The following PKHD1L1 variants were observed in gnomAD, a reference collection of about 807,000 sequenced individuals.
PKHD1L1 encodes the protein PKHD1 like 1.
Under a neutral mutation model 462.9 loss-of-function variants are expected in PKHD1L1, and 434 were observed. The ratio of observed to expected loss-of-function variants is 0.94; its 90% CI spans 0.87 to 1.02. PKHD1L1 has a LOEUF of 1.02. Among genes scored for constraint, PKHD1L1 ranks in the 50% least tolerant of loss-of-function variants. PKHD1L1 has a pLI of 0.00. For missense variants in PKHD1L1, 5,202 were observed against 5,096.1 expected, an observed-to-expected ratio of 1.02 and a Z score of -0.63; for synonymous variants, 1,781 against 1,750.0, an observed-to-expected ratio of 1.02 and a Z score of -0.44.
chr8:109,526,424 A>T (rs189197291), intron 76 of PKHD1L1, among the ~76,000 whole-genome samples: 22 of 152,172 alleles, frequency 1.4e-4, no homozygotes, highest in Admixed American at 1.4e-3. Flanking sequence ...TAGGTCAAGT[A>T]CGAAGGGATG....
rs901735393 is a variant in PKHD1L1, at chr8:109,463,312, C to A, written c.7384-904C>A. Among the ~76,000 whole-genome samples, 10 of 151,992 alleles carry A rather than the reference C, an allele frequency of 6.6e-5. No homozygotes were observed. In the East Asian group the frequency reaches 1.9e-3, roughly 29 times the overall value. The stretch of plus-strand genomic sequence containing the variant: ...GGAGGGAGGAAGGGATAATAAAATC[C>A]ATAAATCCATTAAACCAGGCACACC... On this transcript the variant is annotated intron_variant, in intron 48 of 77. Transcript: ENST00000378402.
At chr8:109,378,776 G>A (rs986218426) in intron 2 of PKHD1L1, among the ~76,000 whole-genome samples, 2 of 152,314 alleles carry the variant, frequency 1.3e-5, no homozygotes, top group East Asian at 3.9e-4. Flanking sequence ...CTTCTGGGCA[G>A]TCGAAGAGGA....
chr8:109,428,022 TCAA>T (rs1814863236), intron 25 of PKHD1L1, among the ~76,000 whole-genome samples: 1 of 13,320 alleles, frequency 7.5e-5, no homozygotes, highest in Non-Finnish European at 1.4e-4. Context: ...AAACTCCGTC[TCAA>T]AAAAAAAAAA....
intron 50 of PKHD1L1, among the ~76,000 whole-genome samples, chr8:109,474,070 T>G (rs951436472): frequency 2.0e-5 from 3 of 152,192 alleles, no homozygotes; most frequent in Non-Finnish European, 4.4e-5. Context: ...TTTCATACTT[T>G]ACGGGATTTT....
At chr8:109,376,217 A>C (rs1044590176) in intron 2 of PKHD1L1, among the ~76,000 whole-genome samples, 7 of 152,124 alleles carry the variant, frequency 4.6e-5, no homozygotes, top group Non-Finnish European at 1.0e-4. Flanking sequence ...CCCCTCCCCC[A>C]GCCTCGCTGC....
In PKHD1L1 at chr8:109,458,975, T is replaced by C. The variant is rs182358055; in HGVS notation, c.7005-620T>C. Among the ~76,000 whole-genome samples the C allele has an allele frequency of 2.7e-4, 41 of 152,270 alleles. No homozygotes were observed. In the East Asian group the frequency reaches 5.8e-3, roughly 21 times the overall value. The stretch of plus-strand genomic sequence containing the variant: ...TAGAACTGGCAAATCCCTTCTGCTG[T>C]GGCTGGAATTTGGGGTATATTTGGA... On this transcript the variant is annotated intron_variant, in intron 46 of 77. Coordinates refer to ENST00000378402, the MANE Select transcript of PKHD1L1 (RefSeq NM_177531.6).
chr8:109,448,286 G>T lies in PKHD1L1; in HGVS notation c.5920G>T (p.Gly1974Trp), dbSNP rs1004505519. The T allele has an allele frequency of 1.2e-5, 20 of 1,613,296 alleles. No homozygotes were observed. The highest frequency in any genetic ancestry group is 1.5e-5 in the Non-Finnish European group (18 of 1,179,668). Residue 1974 changes from glycine (G) to tryptophan (W), a missense_variant, in exon 39 of 78, where the codon GGG (glycine) becomes TGG (tryptophan). Physicochemically the swap from Gly to Trp is radical, Grantham distance 184 (BLOSUM62 -2). Transcript: ENST00000378402. ...VVQCIVGDHA[G>W]GTFPVMMHHK... ...GCAGTGCATCGTGGGAGATCATGCTGGGGGCACATTTCCTGTTATGATGCA... is the reference window on the plus strand; with the variant it reads ...GCAGTGCATCGTGGGAGATCATGCTTGGGGCACATTTCCTGTTATGATGCA...
intron 48 of PKHD1L1, among the ~76,000 whole-genome samples, chr8:109,463,166 A>G (rs1451323779): frequency 6.6e-6 from 1 of 152,198 alleles, no homozygotes; most frequent in Non-Finnish European, 1.5e-5. Context: ...AATTAAACAA[A>G]TACATAAATA....
At position 109,472,629 on chromosome 8, in the gene PKHD1L1, G is replaced by A. The variant is rs568460480; in HGVS notation, c.8606-2489G>A. On this transcript the variant is annotated intron_variant, in intron 50 of 77. Coordinates refer to ENST00000378402, the MANE Select transcript of PKHD1L1 (RefSeq NM_177531.6). ...TGCAAATAGTAACTACTCAGCAAGT[G>A]TTGAATTAAATGGAATTAGTTGCAA... Among the ~76,000 whole-genome samples the A allele has an allele frequency of 5.9e-5, 9 of 152,018 alleles. No individual in the cohort carries two copies. The East Asian group carries it at 1.7e-3, about 29-fold the overall frequency.
Position 109,362,492 on chromosome 8 carries a change from C to A in PKHD1L1, c.-89C>A, listed in dbSNP as rs1246611058. The A allele has an allele frequency of 1.5e-6, 2 of 1,323,054 alleles. No individual in the cohort carries two copies. Among genetic ancestry groups the A allele is most frequent in the Non-Finnish European group, 2.1e-6 (2 of 943,442 alleles). The allele number at this position is 1,323,054 out of a possible 1,614,324, so 82.0% of individuals were successfully genotyped here. On this transcript the variant is annotated 5_prime_UTR_variant, in exon 1 of 78. Coordinates refer to ENST00000378402, the MANE Select transcript of PKHD1L1 (RefSeq NM_177531.6). ...CAGCTCTCCCGGGACGAAGCGGGCC[C>A]GCCAGCGAGTCGCAGTCCCAGGAGC... is the stretch of plus-strand genomic sequence containing the variant.
rs1190624750 is a variant in PKHD1L1 at position 109,459,759 on chromosome 8, G to T, written c.7169G>T (p.Arg2390Ile). ...AGAGCAGAAGTTGGAATTCTTACAA[G>T]AAATATTTTAATAAGAGGATCTGAT... ...EARAEVGILT[R>I]NILIRGSDNV... The change falls in exon 47 of 78, where the codon AGA becomes ATA. Residue 2390 changes from arginine to isoleucine, a missense_variant. Around this residue, in one of 3 missense-constraint regions of PKHD1L1, gnomAD observed 4,497 missense variants for 4,336.8 expected, o/e 1.04. Coordinates refer to ENST00000378402, the MANE Select transcript of PKHD1L1 (RefSeq NM_177531.6). The T allele has an allele frequency of 6.2e-7, 1 of 1,611,470 alleles. No individual in the cohort carries two copies. The highest frequency in any genetic ancestry group is 1.1e-5 in the South Asian group (1 of 90,730).
chr8:109,502,118 A>G (rs1819449264), intron 67 of PKHD1L1, among the ~76,000 whole-genome samples: 1 of 152,156 alleles, frequency 6.6e-6, no homozygotes, highest in African/African-American at 2.4e-5. Context: ...AGTTGGGCTG[A>G]AATGCATTGG....
At chr8:109,496,401 G>C (rs961607465) in intron 63 of PKHD1L1, among the ~76,000 whole-genome samples, 1 of 152,174 alleles carries the variant, frequency 6.6e-6, no homozygotes, top group African/African-American at 2.4e-5. Flanking sequence ...GCAATGGAAA[G>C]ATGTTCAGGG....
At chr8:109,473,044 T>C (rs1436966942) in intron 50 of PKHD1L1, among the ~76,000 whole-genome samples, 2 of 152,154 alleles carry the variant, frequency 1.3e-5, no homozygotes, top group African/African-American at 4.8e-5. Flanking sequence ...TTTTAGAAAA[T>C]ATCAACTTCA....
chr8:109,385,005 CAT>C (rs1158862977), intron 5 of PKHD1L1, among the ~76,000 whole-genome samples: 1 of 151,740 alleles, frequency 6.6e-6, no homozygotes, highest in Non-Finnish European at 1.5e-5. Flanking sequence ...ACTTTTAAAA[CAT>C]GTTAATGATT....
intron 34 of PKHD1L1, among the ~76,000 whole-genome samples, 152 bp from the exon 35 acceptor site, chr8:109,441,855 T>A (rs888811651): frequency 2.0e-5 from 3 of 152,160 alleles, no homozygotes; most frequent in Admixed American, 2.0e-4. Context: ...TCTATTTGTT[T>A]TTGTTAAGTG....
chr8:109,428,443 A>C (rs771354782), intron 25 of PKHD1L1, among the ~76,000 whole-genome samples: 3 of 152,216 alleles, frequency 2.0e-5, no homozygotes, highest in Non-Finnish European at 4.4e-5. Context: ...CATTTGGGGA[A>C]GGAGAGGAAG....
chr8:109,536,814 G>A lies in PKHD1L1; in HGVS notation c.*6724G>A, dbSNP rs1586679981. Among the ~76,000 whole-genome samples the A allele has an allele frequency of 2.6e-5, 4 of 152,198 alleles. No homozygotes were observed. The Middle Eastern group carries it at 0.014, about 518-fold the overall frequency. ...TACTGCTAATTGTAATAACAATTAT[G>A]AGGAAAAATTTATTTAAATGCTTCA... On this transcript the variant is annotated 3_prime_UTR_variant, in exon 78 of 78. Transcript: ENST00000378402.
chr8:109,473,417 G>C lies in PKHD1L1; in HGVS notation c.8606-1701G>C, dbSNP rs146336325. On this transcript the variant is annotated intron_variant, in intron 50 of 77. Transcript: ENST00000378402. The stretch of plus-strand genomic sequence containing the variant: ...TGTAATCCCAGCTACTTGGGAGGTT[G>C]AGGCAGGAGAATTGCTTGAATCCAG... Among the ~76,000 whole-genome samples, 1,296 of 152,052 alleles carry C rather than the reference G, an allele frequency of 8.5e-3. 14 individuals carry two copies. Among genetic ancestry groups the C allele is most frequent in the African/African-American group, 0.029 (1,218 of 41,506 alleles).
Sources: allele counts gnomAD v4.1 joint callset (sites outside exome capture counted in the v4.1 genomes callset), GRCh38; gene constraint gnomAD v4.1.1; regional missense constraint gnomAD v4.1.1; transcripts MANE v1.5; gene names NCBI Gene and HGNC (gene_info 2026-07-23, HGNC 2026-07-21).